CEACAM3: variants seen among roughly 807,000 people sequenced by gnomAD.
CEACAM3 encodes CEA cell adhesion molecule 3, also known as cell adhesion molecule CEACAM3.
In CEACAM3, 32 loss-of-function variants were observed where a neutral mutation model predicts 30.1. That is an observed-to-expected ratio of 1.06 (90% CI 0.80 to 1.43). The LOEUF is 1.43. Among genes scored for constraint, CEACAM3 ranks in the 40% most tolerant of loss-of-function variants. CEACAM3 has a pLI of 0.00. For synonymous variants in CEACAM3, 134 were observed against 127.2 expected (o/e 1.05, Z -0.36); for missense variants, 290 against 316.3 (o/e 0.92, Z 0.63).
chr19:41,810,059 G>A (rs782069049), intron 4 of CEACAM3, 42 bp downstream of exon 4: 2 of 1,592,634 alleles, frequency 1.3e-6, no homozygotes, highest in Non-Finnish European at 1.7e-6. Context: ...GAACCCCTAG[G>A]ACAGCCCCAC....
At chr19:41,810,121 G>A in intron 4 of CEACAM3, 104 bp downstream of exon 4, 1 of 1,354,138 alleles carries the variant, frequency 7.4e-7, no homozygotes, top group Non-Finnish European at 1.0e-6. Flanking sequence ...CTTTCCCGGG[G>A]GCTGCAAGGA....
chr19:41,797,445 G>A (rs1213466792), intron 1 of CEACAM3, 144 bp from the exon 2 acceptor site: 9 of 1,069,806 alleles, frequency 8.4e-6, no homozygotes, highest in African/African-American at 1.6e-5. Context: ...AAGAAAGAAA[G>A]GTCACGTTAC....
intron 2 of CEACAM3, among the ~76,000 whole-genome samples, chr19:41,801,685 A>T (rs1467811837): frequency 6.6e-6 from 1 of 152,142 alleles, no homozygotes; most frequent in Non-Finnish European, 1.5e-5. Flanking sequence ...GGGATGTGGC[A>T]ACTGATCCTG....
At position 41,810,893 on chromosome 19, in the gene CEACAM3, A is replaced by G. The variant is rs2073244604; in HGVS notation, c.689A>G (p.Tyr230Cys). 2 of 1,613,366 alleles carry G rather than the reference A, an allele frequency of 1.2e-6. No individual in the cohort carries two copies. Among genetic ancestry groups the G allele is most frequent in the Non-Finnish European group, 1.7e-6 (2 of 1,179,618 alleles). ...LPNPRTAASI[Y>C]EELLKHDTNI... Reference sequence around the variant, plus strand: ...AACCCCAGGACAGCAGCTTCCATCTATGAGGTGAGTGTGGGCCACGGATGT... The same window carrying G: ...AACCCCAGGACAGCAGCTTCCATCTGTGAGGTGAGTGTGGGCCACGGATGT... Residue 230 changes from tyrosine (Y) to cysteine (C), a missense_variant, in exon 6 of 7, where the codon TAT (tyrosine) becomes TGT (cysteine). Coordinates refer to ENST00000357396, the MANE Select transcript of CEACAM3 (RefSeq NM_001815.5).
intron 2 of CEACAM3, among the ~76,000 whole-genome samples, chr19:41,803,416 T>TTGTGTGTGTG (rs1555826235): frequency 5.4e-5 from 7 of 129,284 alleles, no homozygotes; most frequent in African/African-American, 1.9e-4. Context: ...CAGCAAAGTT[T>TTGTGTGTGTG]TGTGTGTGTA....
rs1555827166 is a variant in CEACAM3, at chr19:41,808,829, C to T, written c.441C>T (p.Gly147=). ...QFHVYQENAP[G]LPVGAVAGIV... Reference sequence around the variant, plus strand: ...TTTCTGCAGAAGAAAATGCCCCAGGCCTTCCTGTGGGGGCCGTCGCCGGCA... The same window carrying T: ...TTTCTGCAGAAGAAAATGCCCCAGGTCTTCCTGTGGGGGCCGTCGCCGGCA... Residue 147 remains glycine, a synonymous_variant, in exon 3 of 7, where the codon GGC becomes GGT. Transcript: ENST00000357396. 1.2e-6 allele frequency: 2 copies of T among 1,612,672 alleles called. No homozygotes were observed. Among genetic ancestry groups the T allele is most frequent in the Non-Finnish European group, 1.7e-6 (2 of 1,179,264 alleles).
chr19:41,810,741 C>T, intron 5 of CEACAM3, 91 bp from the exon 6 acceptor site: 2 of 1,197,982 alleles, frequency 1.7e-6, no homozygotes, highest in Admixed American at 1.7e-5. Context: ...GGGGAAATGA[C>T]CAGAAGTAAA....
Position 41,809,937 on chromosome 19 carries a change from C to G in CEACAM3, c.543-28C>G. On this transcript the variant is annotated intron_variant, in intron 3 of 6. Coordinates refer to ENST00000357396, the MANE Select transcript of CEACAM3 (RefSeq NM_001815.5). ...AAAGTTGTGGCTTTTAACCTGGCAC[C>G]CTCCCAAATGACCCTGACCTTTCCT... is the stretch of plus-strand genomic sequence containing the variant. 3.1e-6 allele frequency: 5 copies of G among 1,612,854 alleles called. No homozygotes were observed. The South Asian group carries it at 5.5e-5, about 18-fold the overall frequency.
At chr19:41,810,065 C>T (rs782786296) in intron 4 of CEACAM3, 48 bp downstream of exon 4, 1 of 1,560,470 alleles carries the variant, frequency 6.4e-7, no homozygotes, top group East Asian at 2.2e-5. Flanking sequence ...CTAGGACAGC[C>T]CCACAGTGTC....
At position 41,796,778 on chromosome 19, in the gene CEACAM3, G is replaced by A. The variant is rs375545632; in HGVS notation, c.64+37G>A. The A allele has an allele frequency of 3.1e-6, 5 of 1,592,210 alleles. No individual in the cohort carries two copies. The African/African-American group carries it at 6.7e-5, about 21-fold the overall frequency. On this transcript the variant is annotated intron_variant, in intron 1 of 6. Coordinates refer to ENST00000357396, the MANE Select transcript of CEACAM3 (RefSeq NM_001815.5). ...ATTCCTGGGAGTGGGCAAGAGGAGG[G>A]ATCACAGAGAATGGCTGGGGTCTCC...
At chr19:41,811,116 C>T in intron 6 of CEACAM3, 56 bp from the exon 7 acceptor site, 2 of 1,581,708 alleles carry the variant, frequency 1.3e-6, no homozygotes, top group Non-Finnish European at 1.7e-6. Context: ...CTGGGAGACG[C>T]CACACCCTGT....
chr19:41,800,719 G>A (rs1405576520), intron 2 of CEACAM3, among the ~76,000 whole-genome samples: 1 of 152,144 alleles, frequency 6.6e-6, no homozygotes, highest in Non-Finnish European at 1.5e-5. Context: ...AGGCAGGGAA[G>A]GGCCCCCTGT....
intron 2 of CEACAM3, among the ~76,000 whole-genome samples, chr19:41,800,107 G>C (rs372990780): frequency 1.3e-5 from 2 of 152,166 alleles, no homozygotes; most frequent in East Asian, 3.9e-4. Flanking sequence ...GATTATATGT[G>C]AATATCATTA....
intron 6 of CEACAM3, 70 bp downstream of exon 6, chr19:41,810,967 C>T (rs965855062): frequency 7.0e-6 from 10 of 1,435,844 alleles, no homozygotes; most frequent in Admixed American, 1.9e-5. Flanking sequence ...CTACTGGCAT[C>T]GGCTGAGCTC....
At chr19:41,802,977 G>A (rs1051399159) in intron 2 of CEACAM3, among the ~76,000 whole-genome samples, 6 of 152,094 alleles carry the variant, frequency 3.9e-5, no homozygotes, top group East Asian at 1.9e-4. Flanking sequence ...TCACCACAGC[G>A]TCACTGAACA....
intron 2 of CEACAM3, chr19:41,807,583 G>C (rs2073213583): frequency 8.0e-7 from 1 of 1,247,596 alleles, no homozygotes. Context: ...TGTCCTGGGA[G>C]GCTCAGGGTC....
intron 2 of CEACAM3, among the ~76,000 whole-genome samples, chr19:41,806,005 T>TTGTTGTTG (rs1427910440): frequency 2.3e-5 from 1 of 43,382 alleles, no homozygotes; most frequent in African/African-American, 4.1e-5. Flanking sequence ...GTTGTTGTTG[T>TTGTTGTTG]TTGTTGTTGT....
rs782624036 is a variant in CEACAM3, at chr19:41,797,795, C to T, written c.271C>T (p.Pro91Ser). Residue 91 changes from proline (P) to serine (S), a missense_variant, in exon 2 of 7, where the codon CCA (proline) becomes TCA (serine). By Grantham distance (74) the Pro-to-Ser change is moderately conservative. Coordinates refer to ENST00000357396, the MANE Select transcript of CEACAM3 (RefSeq NM_001815.5). ...TGTAATAGGAACTCAACAAGCTACC[C>T]CAGGGGCCGCATACAGCGGTCGAGA... is the stretch of plus-strand genomic sequence containing the variant. Reference protein sequence around the residue: ...GYVIGTQQATPGAAYSGRETI... With the variant: ...GYVIGTQQATSGAAYSGRETI... 5.0e-6 allele frequency: 8 copies of T among 1,612,166 alleles called. No homozygotes were observed. The African/African-American group carries it at 6.8e-5, about 14-fold the overall frequency.
chr19:41,803,712 C>A (rs1434479530), intron 2 of CEACAM3, among the ~76,000 whole-genome samples: 1 of 45,472 alleles, frequency 2.2e-5, no homozygotes, highest in Non-Finnish European at 1.0e-4. Context: ...ATGATCTGCC[C>A]GCCTTGGCCT....
Sources: allele counts gnomAD v4.1 joint callset (sites outside exome capture counted in the v4.1 genomes callset), GRCh38; gene constraint gnomAD v4.1.1; transcripts MANE v1.5; gene names NCBI Gene and HGNC (gene_info 2026-07-23, HGNC 2026-07-21).